PLCB1: variants seen among roughly 807,000 people sequenced by gnomAD.
PLCB1 encodes 1-phosphatidylinositol 4,5-bisphosphate phosphodiesterase beta-1.
PLCB1 carries 46 observed loss-of-function variants against 161.8 expected under a neutral mutation model. The ratio of observed to expected loss-of-function variants is 0.28; its 90% CI spans 0.22 to 0.36. The LOEUF is 0.36. Among genes scored for constraint, PLCB1 ranks in the 10% least tolerant of loss-of-function variants. The pLI, the probability that PLCB1 is intolerant of heterozygous loss-of-function variation, is 1.00. For synonymous variants in PLCB1, 517 were observed against 503.7 expected (o/e 1.03, Z -0.35); for missense variants, 1,016 against 1,472.5 (o/e 0.69, Z 5.07).
At chr20:8,282,679 A>G (rs1456424020) in intron 2 of PLCB1, among the ~76,000 whole-genome samples, 1 of 152,190 alleles carries the variant, frequency 6.6e-6, no homozygotes, top group Admixed American at 6.5e-5. Context: ...AAGGGAAAAT[A>G]ATCAATCAAA....
intron 2 of PLCB1, among the ~76,000 whole-genome samples, chr20:8,336,383 A>T: frequency 6.6e-6 from 1 of 152,220 alleles, no homozygotes; most frequent in Admixed American, 6.5e-5. Context: ...TTTGGATTTC[A>T]TATAATAAAG....
chr20:8,260,098 CT>C (rs35560559), intron 2 of PLCB1, among the ~76,000 whole-genome samples: 10 of 144,996 alleles, frequency 6.9e-5, no homozygotes, highest in African/African-American at 1.5e-4. Context: ...CTTTTTTTTT[CT>C]TTTTTTTTTC....
chr20:8,192,822 T>A (rs992429058), intron 2 of PLCB1, among the ~76,000 whole-genome samples: 1 of 151,570 alleles, frequency 6.6e-6, no homozygotes, highest in African/African-American at 2.4e-5. Context: ...TGTTGAGGAG[T>A]GGCCAAATAT....
chr20:8,621,622 G>A (rs1378513254), intron 3 of PLCB1, among the ~76,000 whole-genome samples: 12 of 152,110 alleles, frequency 7.9e-5, no homozygotes, highest in Non-Finnish European at 1.6e-4. Context: ...TTAACAAACT[G>A]CCTAAAATAT....
At chr20:8,743,535 T>C (rs937517108) in intron 23 of PLCB1, among the ~76,000 whole-genome samples, 1 of 152,076 alleles carries the variant, frequency 6.6e-6, no homozygotes, top group Non-Finnish European at 1.5e-5. Flanking sequence ...TTTCGACTTA[T>C]CTTCTTCCCT....
At chr20:8,627,578 A>AAGC (rs1988392128) in intron 3 of PLCB1, among the ~76,000 whole-genome samples, 1 of 152,234 alleles carries the variant, frequency 6.6e-6, no homozygotes. Flanking sequence ...AACTTCAGCC[A>AAGC]AGCTGACTGA....
chr20:8,600,542 G>C (rs1235212865), intron 3 of PLCB1, among the ~76,000 whole-genome samples: 6 of 151,108 alleles, frequency 4.0e-5, no homozygotes, highest in Non-Finnish European at 3.0e-5. Flanking sequence ...AGAGGTTACT[G>C]CTGTCTTTTT....
At chr20:8,559,391 G>A (rs1986070023) in intron 3 of PLCB1, among the ~76,000 whole-genome samples, 2 of 151,730 alleles carry the variant, frequency 1.3e-5, no homozygotes, top group Admixed American at 6.6e-5. Context: ...GGCAGTAATG[G>A]GGGAATTGAG....
intron 9 of PLCB1, 131 bp downstream of exon 9, chr20:8,658,835 A>ACC: frequency 1.4e-6 from 1 of 717,864 alleles, no homozygotes; most frequent in Non-Finnish European, 2.2e-6. Context: ...TTCGGTCTGA[A>ACC]ATCACTTGGT....
chr20:8,411,396 T>A (rs1167164327), intron 3 of PLCB1, among the ~76,000 whole-genome samples: 2 of 152,252 alleles, frequency 1.3e-5, no homozygotes, highest in Non-Finnish European at 1.5e-5. Flanking sequence ...TGGAACATTT[T>A]AAAATATATG....
At chr20:8,689,085 ATT>A (rs57357454) in intron 10 of PLCB1, among the ~76,000 whole-genome samples, 1,471 of 142,408 alleles carry the variant, frequency 0.01, 15 homozygotes, top group Admixed American at 0.03. Flanking sequence ...ATTCCTCAGT[ATT>A]TTTTTTTTTT....
At chr20:8,148,388 A>G (rs1261421147) in intron 1 of PLCB1, among the ~76,000 whole-genome samples, 1 of 152,218 alleles carries the variant, frequency 6.6e-6, no homozygotes, top group Admixed American at 6.5e-5. Flanking sequence ...TAATTGGGAA[A>G]TTTTAAAATT....
intron 3 of PLCB1, among the ~76,000 whole-genome samples, chr20:8,607,478 C>G (rs1035035904): frequency 5.9e-5 from 9 of 152,328 alleles, no homozygotes; most frequent in African/African-American, 2.2e-4. Context: ...CTGTGCCGCT[C>G]TCTTGCTATG....
intron 2 of PLCB1, among the ~76,000 whole-genome samples, chr20:8,257,817 G>A (rs1305380294): frequency 6.6e-6 from 1 of 152,088 alleles, no homozygotes; most frequent in African/African-American, 2.4e-5. Flanking sequence ...AGGGGCCTGA[G>A]AGACAGAGAT....
At chr20:8,832,964 T>C (rs1986087518) in intron 31 of PLCB1, among the ~76,000 whole-genome samples, 1 of 152,216 alleles carries the variant, frequency 6.6e-6, no homozygotes, top group South Asian at 2.1e-4. Flanking sequence ...ATCTCACTGT[T>C]ATGAGTTGAG....
At chr20:8,166,609 A>G (rs760061746) in intron 2 of PLCB1, among the ~76,000 whole-genome samples, 4 of 152,162 alleles carry the variant, frequency 2.6e-5, no homozygotes, top group Non-Finnish European at 5.9e-5. Context: ...AACATTTCCA[A>G]GATTGGTATC....
chr20:8,832,343 C>T (rs1438456129), intron 31 of PLCB1, among the ~76,000 whole-genome samples: 1 of 152,132 alleles, frequency 6.6e-6, no homozygotes, highest in Non-Finnish European at 1.5e-5. Context: ...TTGTGGAACA[C>T]TTGGTCCTGA....
intron 27 of PLCB1, among the ~76,000 whole-genome samples, chr20:8,775,416 T>G (rs938580946): frequency 6.6e-6 from 1 of 152,152 alleles, no homozygotes; most frequent in African/African-American, 2.4e-5. Context: ...ACCAAAGAAA[T>G]AAGTAAGCTT....
chr20:8,857,192 C>G (rs1987097332), intron 31 of PLCB1, among the ~76,000 whole-genome samples: 1 of 152,166 alleles, frequency 6.6e-6, no homozygotes, highest in Admixed American at 6.5e-5. Context: ...ACATGTGGCC[C>G]TTTGAGAACA....
Sources: allele counts gnomAD v4.1 joint callset (sites outside exome capture counted in the v4.1 genomes callset), GRCh38; gene constraint gnomAD v4.1.1; transcripts MANE v1.5; gene names NCBI Gene and HGNC (gene_info 2026-07-23, HGNC 2026-07-21).